Variants in TSPAN15 observed in about 807,000 individuals in gnomAD.
TSPAN15 encodes the protein tetraspanin-15.
A neutral mutation model predicts 34.5 loss-of-function variants in TSPAN15; 20 were observed. The ratio of observed to expected loss-of-function variants is 0.58; its 90% CI spans 0.41 to 0.84. TSPAN15 has a LOEUF of 0.84. TSPAN15 is among the 40% of genes least tolerant of loss of function. TSPAN15 has a pLI of 0.00. For synonymous variants in TSPAN15, 155 were observed against 153.9 expected (o/e 1.01, Z -0.05); for missense variants, 313 against 386.1 (o/e 0.81, Z 1.59).
chr10:69,523,597 C>A, the TSPAN15 span: 1 of 268,214 alleles, frequency 3.7e-6, no homozygotes, highest in Non-Finnish European at 7.1e-6. Flanking sequence ...GCCAAGGGCC[C>A]CAGCTCTGGA....
intron 5 of TSPAN15, among the ~76,000 whole-genome samples, chr10:69,499,436 G>C (rs867207286): frequency 2.2e-4 from 34 of 152,346 alleles, no homozygotes; most frequent in African/African-American, 8.2e-4. Context: ...AGGAGTAGCA[G>C]AGTTTCCAGA....
intron 2 of TSPAN15, 106 bp downstream of exon 2, chr10:69,483,982 C>T (rs1841795183): frequency 7.9e-7 from 1 of 1,263,818 alleles, no homozygotes; most frequent in South Asian, 1.5e-5. Context: ...CCTCAAACCA[C>T]CTCCTTTAGA....
chr10:69,520,655 C>G, the TSPAN15 span, among the ~76,000 whole-genome samples: 26 of 152,172 alleles, frequency 1.7e-4, no homozygotes, highest in South Asian at 1.2e-3. Context: ...GACCTTGTCT[C>G]AAAAACAAAC....
chr10:69,468,996 C>G (rs1196927292), intron 1 of TSPAN15, among the ~76,000 whole-genome samples: 2 of 145,098 alleles, frequency 1.4e-5, no homozygotes, highest in Middle Eastern at 3.6e-3. Context: ...GGGTAAGGCC[C>G]TAGACGGCCT....
downstream of TSPAN15, among the ~76,000 whole-genome samples, chr10:69,509,254 GGCCAGC>G (rs552131911): frequency 0.057 from 8,703 of 152,208 alleles, 321 homozygotes; most frequent in African/African-American, 0.086. Flanking sequence ...CTGCACCGCT[GGCCAGC>G]TGCTTATGTG....
Position 69,467,670 on chromosome 10 carries a change from ACAC to A in TSPAN15, c.96+15981_96+15983del, listed in dbSNP as rs1345274679. Among the ~76,000 whole-genome samples the A allele has an allele frequency of 9.7e-3, 1,301 of 133,792 alleles. 2 individuals carry two copies. The highest frequency in any genetic ancestry group is 0.013 in the Non-Finnish European group (741 of 57,490). 87.8% of individuals were successfully genotyped at this position (133,792 alleles called of 152,430 possible). A position where few individuals can be genotyped will look rare whatever the true frequency, so the allele number is the denominator to read the frequency against. On this transcript the variant is annotated intron_variant, in intron 1 of 7. Transcript: ENST00000373290. ...CACACACACACACACACACACACAC[ACAC>A]ACCTCTTCTTGGAAAACAGAACTTG...
the TSPAN15 span, among the ~76,000 whole-genome samples, chr10:69,530,690 C>A: frequency 7.0e-6 from 1 of 142,892 alleles, no homozygotes; most frequent in East Asian, 2.7e-4. Context: ...CCTGTAATCC[C>A]AGCTATTTGG....
At chr10:69,541,942 G>A in the TSPAN15 span, among the ~76,000 whole-genome samples, 1 of 152,202 alleles carries the variant, frequency 6.6e-6, no homozygotes, top group East Asian at 1.9e-4. Flanking sequence ...TTTCCCCATT[G>A]TCTTGGTGAT....
At chr10:69,505,138 A>C (rs2133165275) in intron 6 of TSPAN15, among the ~76,000 whole-genome samples, 1 of 152,276 alleles carries the variant, frequency 6.6e-6, no homozygotes, top group Non-Finnish European at 1.5e-5. Flanking sequence ...TTTTATAACA[A>C]ACAGTGGTAA....
intron 1 of TSPAN15, among the ~76,000 whole-genome samples, chr10:69,474,158 C>T (rs1841565521): frequency 6.7e-6 from 1 of 149,674 alleles, no homozygotes; most frequent in African/African-American, 2.5e-5. Context: ...TGCCCACCCT[C>T]CTCCCCCCAC....
chr10:69,505,922 C>T (rs559112050), intron 6 of TSPAN15: 18 of 439,742 alleles, frequency 4.1e-5, no homozygotes, highest in African/African-American at 2.4e-4. Flanking sequence ...AGTGCCACCA[C>T]GGTGTCCCCA....
At chr10:69,521,896 T>C in the TSPAN15 span, among the ~76,000 whole-genome samples, 1 of 147,758 alleles carries the variant, frequency 6.8e-6, no homozygotes, top group African/African-American at 2.5e-5. Context: ...CTTTATTGTA[T>C]ATCTCTCTAT....
At chr10:69,529,313 A>G in the TSPAN15 span, among the ~76,000 whole-genome samples, 46 of 147,912 alleles carry the variant, frequency 3.1e-4, 3 homozygotes, top group Admixed American at 2.7e-3. Flanking sequence ...GTGCAACCCC[A>G]TGGCTCATCC....
chr10:69,515,545 G>A, the TSPAN15 span, among the ~76,000 whole-genome samples: 3 of 152,208 alleles, frequency 2.0e-5, no homozygotes, highest in Admixed American at 6.5e-5. Flanking sequence ...ATAAAGGCCA[G>A]ACTAGCTTAG....
chr10:69,541,379 A>AACAGC, the TSPAN15 span, among the ~76,000 whole-genome samples: 1 of 152,010 alleles, frequency 6.6e-6, no homozygotes, highest in African/African-American at 2.4e-5. Context: ...TCCTACATAC[A>AACAGC]GGCATTTGGT....
chr10:69,510,207 A>G (rs1225602437), downstream of TSPAN15, among the ~76,000 whole-genome samples: 2 of 152,248 alleles, frequency 1.3e-5, no homozygotes, highest in African/African-American at 4.8e-5. Flanking sequence ...CTTCCTAACC[A>G]TGAGCAAGGA....
intron 6 of TSPAN15, among the ~76,000 whole-genome samples, chr10:69,505,647 C>T (rs1228465954): frequency 6.6e-6 from 1 of 151,860 alleles, no homozygotes; most frequent in Non-Finnish European, 1.5e-5. Context: ...GGCTTAGGCA[C>T]TCCTCCCAAC....
chr10:69,532,456 C>T, the TSPAN15 span, among the ~76,000 whole-genome samples: 1 of 152,106 alleles, frequency 6.6e-6, no homozygotes, highest in Non-Finnish European at 1.5e-5. Context: ...ACGAATTGTG[C>T]TAGGATAATT....
At chr10:69,460,568 G>A (rs915838896) in intron 1 of TSPAN15, among the ~76,000 whole-genome samples, 1 of 151,994 alleles carries the variant, frequency 6.6e-6, no homozygotes, top group African/African-American at 2.4e-5. Context: ...GCACGCCCAA[G>A]GGGTCAGACC....
Sources: gnomAD v4.1 joint callset for allele counts (sites outside exome capture counted in the v4.1 genomes callset) on GRCh38, gnomAD v4.1.1 for gene constraint, MANE v1.5 for transcripts, NCBI Gene and HGNC (gene_info 2026-07-23, HGNC 2026-07-21) for gene names.